The following OSBPL2 variants were observed in gnomAD, a reference collection of about 807,000 sequenced individuals.
OSBPL2 encodes oxysterol-binding protein-related protein 2.
A neutral mutation model predicts 58.4 loss-of-function variants in OSBPL2; 18 were observed. That is an observed-to-expected ratio of 0.31 (90% CI 0.21 to 0.46). The LOEUF (loss-of-function observed/expected upper bound fraction) is 0.46. OSBPL2 is among the 20% of genes least tolerant of loss of function. OSBPL2 has a pLI of 1.00. For missense variants in OSBPL2, 461 were observed against 616.5 expected (o/e 0.75, Z 2.67); for synonymous variants, 221 against 234.1 (o/e 0.94, Z 0.51).
intron 6 of OSBPL2, among the ~76,000 whole-genome samples, chr20:62,275,441 C>T (rs1601185016): frequency 1.3e-5 from 2 of 151,964 alleles, no homozygotes; most frequent in South Asian, 2.1e-4. Context: ...CTCTGTCGCC[C>T]AGGCTGAAGT....
chr20:62,271,829 T>C (rs1982080835), intron 4 of OSBPL2: 2 of 323,984 alleles, frequency 6.2e-6, no homozygotes, highest in African/African-American at 4.3e-5. Context: ...AGAGCCCTTG[T>C]GGCAGTCTCT....
rs1161441693 is a variant in OSBPL2, at chr20:62,281,378, C to T, written c.782+213C>T. 7 of 558,896 alleles carry T rather than the reference C, an allele frequency of 1.3e-5. No individual in the cohort carries two copies. The East Asian group carries it at 1.5e-4, about 12-fold the overall frequency. 34.6% of individuals were successfully genotyped at this position (558,896 alleles called of 1,614,324 possible). Reference sequence around the variant, plus strand: ...TCGTTCAAGACCTCGTTTTTCGTCACGGTTGTTACTTTAAGGCTTTGAGCT... The same window carrying T: ...TCGTTCAAGACCTCGTTTTTCGTCATGGTTGTTACTTTAAGGCTTTGAGCT... On this transcript the variant is annotated intron_variant, in intron 8 of 13. Transcript: ENST00000313733.
intron 1 of OSBPL2, among the ~76,000 whole-genome samples, 187 bp from the exon 2 acceptor site, chr20:62,255,870 A>C (rs1980889054): frequency 6.6e-6 from 1 of 152,192 alleles, no homozygotes; most frequent in Admixed American, 6.5e-5. Flanking sequence ...TCATTGATTG[A>C]TCTTCCGTTA....
intron 1 of OSBPL2, among the ~76,000 whole-genome samples, chr20:62,246,891 CCTTAAA>C (rs1980154188): frequency 6.6e-6 from 1 of 152,218 alleles, no homozygotes; most frequent in Admixed American, 6.5e-5. Context: ...CTAATTCTGT[CCTTAAA>C]CTTTGTGACT....
At chr20:62,266,635 C>T (rs1166324782) in intron 4 of OSBPL2, among the ~76,000 whole-genome samples, 7 of 151,954 alleles carry the variant, frequency 4.6e-5, no homozygotes, top group Admixed American at 6.6e-5. Context: ...TCTGCAGTGA[C>T]GGGCTGTGGC....
intron 1 of OSBPL2, among the ~76,000 whole-genome samples, chr20:62,250,047 G>A (rs931116150): frequency 3.3e-5 from 5 of 152,184 alleles, no homozygotes; most frequent in Admixed American, 2.0e-4. Flanking sequence ...TCAGCTCCAG[G>A]GTTGCCCCCT....
chr20:62,287,439 C>T (rs1303007182), intron 11 of OSBPL2, among the ~76,000 whole-genome samples: 3 of 152,122 alleles, frequency 2.0e-5, no homozygotes, highest in African/African-American at 2.4e-5. Flanking sequence ...GAGTAGAGTA[C>T]GAACTGGTTT....
At position 62,259,943 on chromosome 20, in the gene OSBPL2, A is replaced by G. The variant is rs750840779; in HGVS notation, c.38-38A>G. The G allele has an allele frequency of 6.9e-6, 11 of 1,598,374 alleles. No homozygotes were observed. In the East Asian group the frequency reaches 8.9e-5, roughly 13 times the overall value. On this transcript the variant is annotated intron_variant, in intron 2 of 13. Coordinates refer to ENST00000313733, the MANE Select transcript of OSBPL2 (RefSeq NM_144498.4). ...GAGGTAGGCTTTTAAAAAATCTTTC[A>G]GGTCCAGCGAAAATGACCATTTTCT... is the stretch of plus-strand genomic sequence containing the variant.
At chr20:62,264,063 C>G (rs1981504946) in intron 4 of OSBPL2, among the ~76,000 whole-genome samples, 1 of 40,380 alleles carries the variant, frequency 2.5e-5, no homozygotes, top group African/African-American at 8.3e-5. Context: ...GAGATTCCAT[C>G]TCAAAAAAAA....
At chr20:62,245,103 T>TC (rs1212895019) in intron 1 of OSBPL2, among the ~76,000 whole-genome samples, 1 of 150,996 alleles carries the variant, frequency 6.6e-6, no homozygotes, top group African/African-American at 2.4e-5. Context: ...ATCTGTTCTT[T>TC]TTTTTTTTTT....
At chr20:62,247,272 C>G (rs1255265316) in intron 1 of OSBPL2, among the ~76,000 whole-genome samples, 7 of 152,224 alleles carry the variant, frequency 4.6e-5, no homozygotes, top group Non-Finnish European at 8.8e-5. Context: ...TGCCTCTTGG[C>G]TTAGGCACTG....
intron 1 of OSBPL2, chr20:62,242,745 G>A (rs1390243479): frequency 6.6e-6 from 1 of 152,434 alleles, no homozygotes; most frequent in Non-Finnish European, 1.5e-5. Context: ...AGGGTCTGAG[G>A]GGCTCTTGGC....
Position 62,279,280 on chromosome 20 carries a change from G to A in OSBPL2, c.615G>A (p.Lys205=), listed in dbSNP as rs1327270086. 2 of 1,614,238 alleles carry A rather than the reference G, an allele frequency of 1.2e-6. No homozygotes were observed. Among genetic ancestry groups the A allele is most frequent in the Admixed American group, 3.3e-5 (2 of 60,028 alleles). The change falls in exon 7 of 14, where the codon AAG becomes AAA. Residue 205 remains lysine (K), a synonymous_variant. Transcript: ENST00000313733. The part of the protein sequence containing the change: ...LFHGSIYPKL[K]FWGKSVEAEP... Reference sequence around the variant, plus strand: ...ATGGCTCCATCTACCCCAAGCTCAAGTTCTGGGGCAAAAGCGTGGAGGCGG... The same window carrying A: ...ATGGCTCCATCTACCCCAAGCTCAAATTCTGGGGCAAAAGCGTGGAGGCGG...
In OSBPL2 at chr20:62,294,006, A is replaced by G. The variant is rs1167597902; in HGVS notation, c.*119A>G. 1.5e-6 allele frequency: 2 copies of G among 1,311,722 alleles called. No homozygotes were observed. The highest frequency in any genetic ancestry group is 2.1e-6 in the Non-Finnish European group (2 of 973,468). 81.3% of individuals were successfully genotyped at this position (1,311,722 alleles called of 1,614,324 possible). On this transcript the variant is annotated 3_prime_UTR_variant, in exon 14 of 14. Transcript: ENST00000313733. ...TTTTCTAACGACTGAGTTCGCGGAGATAGCATCATCCCTGATCAAGGATGT... is the reference window on the plus strand; with the variant it reads ...TTTTCTAACGACTGAGTTCGCGGAGGTAGCATCATCCCTGATCAAGGATGT...
At chr20:62,264,957 G>A (rs894423956) in intron 4 of OSBPL2, among the ~76,000 whole-genome samples, 2 of 152,174 alleles carry the variant, frequency 1.3e-5, no homozygotes, top group Non-Finnish European at 2.9e-5. Context: ...CCCTTGCCAG[G>A]GCCTTGTCTG....
At chr20:62,248,046 C>G (rs1170096791) in intron 1 of OSBPL2, among the ~76,000 whole-genome samples, 1 of 151,890 alleles carries the variant, frequency 6.6e-6, no homozygotes, top group Non-Finnish European at 1.5e-5. Flanking sequence ...ACATAAGGCT[C>G]TGTGCACAGT....
At chr20:62,267,362 A>G (rs1040869169) in intron 4 of OSBPL2, among the ~76,000 whole-genome samples, 2 of 152,102 alleles carry the variant, frequency 1.3e-5, no homozygotes, top group Admixed American at 1.3e-4. Context: ...ATAGTTCTGG[A>G]TGTCTTCCAG....
intron 4 of OSBPL2, 82 bp downstream of exon 4, chr20:62,263,773 A>C: frequency 7.6e-7 from 1 of 1,314,766 alleles, no homozygotes; most frequent in Non-Finnish European, 1.1e-6. Flanking sequence ...GGTTTAAGAA[A>C]ATGCGCTCTT....
chr20:62,248,021 T>G (rs1366794066), intron 1 of OSBPL2, among the ~76,000 whole-genome samples: 2 of 152,198 alleles, frequency 1.3e-5, no homozygotes, highest in African/African-American at 4.8e-5. Flanking sequence ...ACGTTTTCCC[T>G]TTCAGCAAAA....
Sources: allele counts gnomAD v4.1 joint callset (sites outside exome capture counted in the v4.1 genomes callset), GRCh38; gene constraint gnomAD v4.1.1; transcripts MANE v1.5; gene names NCBI Gene and HGNC (gene_info 2026-07-23, HGNC 2026-07-21).